The following C3orf22 variants were observed in gnomAD, a reference collection of about 807,000 sequenced individuals.
The protein encoded by C3orf22 is chromosome 3 open reading frame 22, also known as uncharacterized protein C3orf22.
C3orf22 carries 7 observed loss-of-function variants against 10.8 expected under a neutral mutation model. The observed-to-expected ratio is 0.65, with a 90% CI of 0.37 to 1.22. The LOEUF is 1.22. Among genes scored for constraint, C3orf22 ranks in the 50% most tolerant of loss-of-function variants. The pLI is 0.02. For missense variants in C3orf22, 173 were observed against 177.0 expected (o/e 0.98, Z 0.13); for synonymous variants, 79 against 78.9 (o/e 1.00, Z 0.00).
At chr3:126,557,225 T>C (rs1937369456) in intron 1 of C3orf22, among the ~76,000 whole-genome samples, 4 of 152,250 alleles carry the variant, frequency 2.6e-5, no homozygotes, top group Admixed American at 2.6e-4. Flanking sequence ...TATCCTCTGC[T>C]GCGTGACCTG....
At chr3:126,558,212 T>C (rs907161171) in intron 1 of C3orf22, among the ~76,000 whole-genome samples, 2 of 152,210 alleles carry the variant, frequency 1.3e-5, no homozygotes, top group Admixed American at 6.5e-5. Context: ...ACCCCCATAA[T>C]TCAAGTGAGG....
At chr3:126,553,503 C>T (rs1388842513) in intron 1 of C3orf22, 73 bp from the exon 2 acceptor site, 10 of 1,017,882 alleles carry the variant, frequency 9.8e-6, no homozygotes, top group African/African-American at 4.7e-5. Flanking sequence ...GAGTACCCAG[C>T]AGGGCTGGGG....
intron 4 of C3orf22, chr3:126,536,221 A>C (rs756352688): frequency 1.9e-6 from 3 of 1,547,336 alleles, no homozygotes; most frequent in Non-Finnish European, 2.7e-6. Flanking sequence ...CCCCAGGTCC[A>C]TGCAAGTCCC....
chr3:126,542,413 C>A, intron 4 of C3orf22: 2 of 1,552,432 alleles, frequency 1.3e-6, no homozygotes, highest in Non-Finnish European at 1.7e-6. Context: ...CCGACCTGAG[C>A]TTCCCTGGGC....
downstream of C3orf22, among the ~76,000 whole-genome samples, chr3:126,547,999 A>C (rs1191703869): frequency 6.6e-6 from 1 of 152,196 alleles, no homozygotes; most frequent in Non-Finnish European, 1.5e-5. Context: ...AGAGTTTGAC[A>C]CAGTCTTATA....
rs562222002 is a variant in C3orf22, at chr3:126,542,683, C to T, written c.286+6854G>A. ...CAGGACCCCTCTTCAAGAGCCACTGCGTGCACTCACCTGGCCGCCGGGCCA... is the reference window on the plus strand; with the variant it reads ...CAGGACCCCTCTTCAAGAGCCACTGTGTGCACTCACCTGGCCGCCGGGCCA... On this transcript the variant is annotated intron_variant and NMD_transcript_variant, in intron 4 of 5. Transcript: ENST00000505070. The T allele has an allele frequency of 3.2e-4, 440 of 1,357,514 alleles. 1 individual carries two copies. Among genetic ancestry groups the T allele is most frequent in the Non-Finnish European group, 3.6e-4 (384 of 1,053,752 alleles). 84.1% of individuals were successfully genotyped at this position (1,357,514 alleles called of 1,614,324 possible).
intron 1 of C3orf22, among the ~76,000 whole-genome samples, chr3:126,554,268 T>C (rs1398458399): frequency 6.7e-6 from 1 of 148,658 alleles, no homozygotes; most frequent in Non-Finnish European, 1.5e-5. Flanking sequence ...TGTTGTTTTT[T>C]TTTTTTTTTT....
At chr3:126,549,310 A>G (rs995697263), downstream of C3orf22, among the ~76,000 whole-genome samples, 3 of 151,860 alleles carry the variant, frequency 2.0e-5, no homozygotes, top group African/African-American at 7.3e-5. Flanking sequence ...AGATGGCAGC[A>G]TATCAGACAC....
chr3:126,553,000 C>A (rs1937234439), intron 2 of C3orf22, among the ~76,000 whole-genome samples: 1 of 152,252 alleles, frequency 6.6e-6, no homozygotes, highest in Non-Finnish European at 1.5e-5. Context: ...CCAATTCCAA[C>A]ACAGCTCAGG....
At chr3:126,528,028 T>C (rs887621832) in intron 5 of C3orf22, among the ~76,000 whole-genome samples, 4 of 151,374 alleles carry the variant, frequency 2.6e-5, no homozygotes, top group African/African-American at 9.7e-5. Flanking sequence ...GAAAGCTGCA[T>C]AGGAGTTTAA....
At chr3:126,549,256 C>G (rs76739066), downstream of C3orf22, among the ~76,000 whole-genome samples, 1 of 120,070 alleles carries the variant, frequency 8.3e-6, no homozygotes, top group African/African-American at 3.1e-5. Context: ...TCCACGCCCC[C>G]CCCCCCACAC....
At chr3:126,530,637 A>G (rs1242668137) in intron 4 of C3orf22, among the ~76,000 whole-genome samples, 1 of 152,174 alleles carries the variant, frequency 6.6e-6, no homozygotes, top group Admixed American at 6.5e-5. Context: ...GGAGCTCCCC[A>G]TGGTTGCTGC....
Position 126,541,686 on chromosome 3 carries a change from C to T in C3orf22, c.286+7851G>A, listed in dbSNP as rs377327226. The T allele has an allele frequency of 9.0e-5, 124 of 1,376,980 alleles. 1 individual carries two copies. In the East Asian group the frequency reaches 3.1e-3, roughly 34 times the overall value. 85.3% of individuals were successfully genotyped at this position (1,376,980 alleles called of 1,614,324 possible). A position where few individuals can be genotyped will look rare whatever the true frequency, so the allele number is the denominator to read the frequency against. ...GGGGCAGCGCCAGAGTCAGGGAGCC[C>T]GCGCTGCCCTGACGCGTCCCCCTGT... is the stretch of plus-strand genomic sequence containing the variant. On this transcript the variant is annotated intron_variant and NMD_transcript_variant, in intron 4 of 5. Coordinates refer to the C3orf22 transcript ENST00000505070.
chr3:126,551,377 C>T (rs1452314413), intron 3 of C3orf22, among the ~76,000 whole-genome samples: 4 of 152,162 alleles, frequency 2.6e-5, no homozygotes, highest in Non-Finnish European at 4.4e-5. Context: ...AGCTGTTCCC[C>T]GTGCCGTGCA....
chr3:126,536,879 T>G (rs1052513410), intron 4 of C3orf22, among the ~76,000 whole-genome samples: 3 of 112,152 alleles, frequency 2.7e-5, no homozygotes, highest in African/African-American at 1.1e-4. Flanking sequence ...TCTCTCTCTT[T>G]CTCACACACA....
At chr3:126,550,270 G>A (rs1048835135) in intron 3 of C3orf22, among the ~76,000 whole-genome samples, 192 bp from the exon 4 acceptor site, 2 of 151,914 alleles carry the variant, frequency 1.3e-5, no homozygotes, top group African/African-American at 2.4e-5. Flanking sequence ...TGGGGGCACC[G>A]CACACTCACC....
intron 3 of C3orf22, among the ~76,000 whole-genome samples, chr3:126,551,166 G>A (rs1937173551): frequency 6.6e-6 from 1 of 152,182 alleles, no homozygotes; most frequent in Admixed American, 6.5e-5. Context: ...GTGTGTTCAG[G>A]GGAACGCGTG....
chr3:126,552,871 C>T (rs867385969), intron 2 of C3orf22, among the ~76,000 whole-genome samples: 3 of 152,360 alleles, frequency 2.0e-5, no homozygotes, highest in Middle Eastern at 6.8e-3. Flanking sequence ...CTCTTTGGCC[C>T]GTGGCTCTGT....
At chr3:126,556,756 C>T (rs547698875) in intron 1 of C3orf22, among the ~76,000 whole-genome samples, 142 of 150,380 alleles carry the variant, frequency 9.4e-4, no homozygotes, top group African/African-American at 2.7e-3. Context: ...CTCACACATA[C>T]GCACACTCAC....
Sources: gnomAD v4.1 joint callset for allele counts (sites outside exome capture counted in the v4.1 genomes callset) on GRCh38, gnomAD v4.1.1 for gene constraint, MANE v1.5 for transcripts, NCBI Gene and HGNC (gene_info 2026-07-23, HGNC 2026-07-21) for gene names.